The following LRCH1 variants were observed in gnomAD, a reference collection of about 807,000 sequenced individuals.
The protein encoded by LRCH1 is leucine-rich repeat and calponin homology domain-containing protein 1.
In LRCH1, 23 loss-of-function variants were observed where a neutral mutation model predicts 94.9. That is an observed-to-expected ratio of 0.24 (90% CI 0.17 to 0.34). LRCH1 has a LOEUF of 0.34. Among genes scored for constraint, LRCH1 ranks in the 10% least tolerant of loss-of-function variants. The probability of loss-of-function intolerance (pLI) is 1.00; values close to 1 mark genes in which losing one functional copy is unlikely to be tolerated. For synonymous variants in LRCH1, 364 were observed against 354.9 expected (o/e 1.03, Z -0.29); for missense variants, 790 against 945.9 (o/e 0.84, Z 2.16).
chr13:46,747,276 C>T (rs1219843949), downstream of LRCH1, among the ~76,000 whole-genome samples: 3 of 152,098 alleles, frequency 2.0e-5, no homozygotes, highest in African/African-American at 7.2e-5. Context: ...CTTCACCTAA[C>T]TCAGTCTGTG....
At chr13:46,746,768 A>G (rs1350026532), downstream of LRCH1, among the ~76,000 whole-genome samples, 1 of 152,170 alleles carries the variant, frequency 6.6e-6, no homozygotes, top group African/African-American at 2.4e-5. Flanking sequence ...TAAACCTACC[A>G]TGATTCATTC....
intron 1 of LRCH1, among the ~76,000 whole-genome samples, chr13:46,595,343 C>T (rs2050548746): frequency 6.6e-6 from 1 of 152,204 alleles, no homozygotes; most frequent in Non-Finnish European, 1.5e-5. Flanking sequence ...TAAGTGACTT[C>T]CTCACCGCTG....
chr13:46,712,677 A>G lies in LRCH1; in HGVS notation c.1654+80A>G, dbSNP rs190794092. ...AGCCTTTTAAGTGTATGCATTATCA[A>G]TGTGCACATCCTTGTCAGTTCTGCT... is the stretch of plus-strand genomic sequence containing the variant. On this transcript the variant is annotated intron_variant, in intron 15 of 19. Transcript: ENST00000389797. 1.3e-5 allele frequency: 16 copies of G among 1,245,974 alleles called. No homozygotes were observed. In the East Asian group the frequency reaches 2.1e-4, roughly 16 times the overall value. 77.2% of individuals were successfully genotyped at this position (1,245,974 alleles called of 1,614,324 possible).
At chr13:46,704,227 C>A (rs1375282729) in intron 11 of LRCH1, among the ~76,000 whole-genome samples, 2 of 152,056 alleles carry the variant, frequency 1.3e-5, no homozygotes, top group Non-Finnish European at 2.9e-5. Context: ...TTATTTCTAA[C>A]TACTTTGGGG....
intron 9 of LRCH1, among the ~76,000 whole-genome samples, chr13:46,696,676 A>G (rs1871210482): frequency 1.3e-5 from 2 of 152,184 alleles, no homozygotes; most frequent in African/African-American, 4.8e-5. Context: ...TCAAAAGAAA[A>G]ATGTTAATGA....
At chr13:46,566,358 A>G (rs2050184306) in intron 1 of LRCH1, among the ~76,000 whole-genome samples, 2 of 152,134 alleles carry the variant, frequency 1.3e-5, no homozygotes, top group East Asian at 3.9e-4. Flanking sequence ...ATTTATTTTG[A>G]ACTTCAGTCA....
intron 1 of LRCH1, among the ~76,000 whole-genome samples, chr13:46,587,059 T>G (rs749675195): frequency 9.3e-4 from 141 of 152,300 alleles, no homozygotes; most frequent in Non-Finnish European, 1.5e-3. Context: ...ATCAACTAGC[T>G]CATGACAAAT....
rs767846450 is a variant in LRCH1 at position 46,701,109 on chromosome 13, T to G, written c.1314-12T>G. 1.9e-6 allele frequency: 3 copies of G among 1,571,282 alleles called. No individual in the cohort carries two copies. In the Admixed American group the frequency reaches 5.1e-5, roughly 27 times the overall value. On this transcript the variant is annotated splice_polypyrimidine_tract_variant and intron_variant, in intron 10 of 19. Coordinates refer to ENST00000389797, the MANE Select transcript of LRCH1 (RefSeq NM_001164211.2). ...GATCGTTTTCATTCTTATGCTTGGT[T>G]TCACGTTACAGAATAAGTTCATCCA...
intron 2 of LRCH1, among the ~76,000 whole-genome samples, chr13:46,660,637 T>A (rs146939840): frequency 6.6e-6 from 1 of 152,354 alleles, no homozygotes; most frequent in Non-Finnish European, 1.5e-5. Flanking sequence ...CTTTGTTGTC[T>A]TTGGTCACAT....
intron 13 of LRCH1, among the ~76,000 whole-genome samples, chr13:46,711,223 G>A (rs1177874995): frequency 1.3e-5 from 2 of 152,026 alleles, no homozygotes; most frequent in African/African-American, 4.8e-5. Context: ...GCTGGAAATC[G>A]GGATGTCATC....
intron 1 of LRCH1, among the ~76,000 whole-genome samples, chr13:46,618,336 G>T (rs992385678): frequency 2.6e-5 from 4 of 152,146 alleles, no homozygotes; most frequent in Admixed American, 2.0e-4. Flanking sequence ...CATAAAAAGT[G>T]AAAATGGTAC....
At chr13:46,624,648 G>A (rs760679263) in intron 1 of LRCH1, among the ~76,000 whole-genome samples, 8 of 152,162 alleles carry the variant, frequency 5.3e-5, no homozygotes, top group Non-Finnish European at 7.4e-5. Flanking sequence ...GTCCTGAGAT[G>A]GGGGGAAGAC....
chr13:46,726,210 T>C (rs1480419775), intron 17 of LRCH1, among the ~76,000 whole-genome samples: 2 of 152,202 alleles, frequency 1.3e-5, no homozygotes, highest in African/African-American at 4.8e-5. Flanking sequence ...CTTTGCCCTA[T>C]TCTTCCCACT....
intron 1 of LRCH1, among the ~76,000 whole-genome samples, chr13:46,602,978 G>GCATGCATACATACATA (rs142972823): frequency 0.039 from 5,905 of 149,862 alleles, 187 homozygotes; most frequent in East Asian, 0.16. Flanking sequence ...ATACATGCAT[G>GCATGCATACATACATA]CATACATACA....
intron 1 of LRCH1, among the ~76,000 whole-genome samples, chr13:46,582,011 G>A (rs1416804957): frequency 2.0e-5 from 3 of 152,138 alleles, no homozygotes; most frequent in African/African-American, 2.4e-5. Context: ...TTAGCCGGGC[G>A]TGCTGGTGTG....
At chr13:46,725,954 A>G (rs1187885199) in intron 17 of LRCH1, among the ~76,000 whole-genome samples, 2 of 152,246 alleles carry the variant, frequency 1.3e-5, no homozygotes, top group Non-Finnish European at 2.9e-5. Flanking sequence ...TAATTTAGTG[A>G]TATAAAATTA....
At chr13:46,610,035 T>C (rs954285012) in intron 1 of LRCH1, among the ~76,000 whole-genome samples, 6 of 152,210 alleles carry the variant, frequency 3.9e-5, no homozygotes, top group African/African-American at 1.4e-4. Context: ...CTCCTTTTTG[T>C]CATGGCCGGC....
intron 19 of LRCH1, among the ~76,000 whole-genome samples, chr13:46,734,900 T>G (rs1489178979): frequency 2.0e-5 from 3 of 152,240 alleles, no homozygotes; most frequent in Non-Finnish European, 2.9e-5. Context: ...TCAGTATAAT[T>G]CTACTCAGTG....
intron 2 of LRCH1, among the ~76,000 whole-genome samples, chr13:46,662,469 A>G (rs1343327145): frequency 6.6e-6 from 1 of 152,230 alleles, no homozygotes; most frequent in Non-Finnish European, 1.5e-5. Context: ...TTGAACATCC[A>G]CAGTTCACTT....
Sources: allele counts gnomAD v4.1 joint callset (sites outside exome capture counted in the v4.1 genomes callset), GRCh38; gene constraint gnomAD v4.1.1; transcripts MANE v1.5; gene names NCBI Gene and HGNC (gene_info 2026-07-23, HGNC 2026-07-21).